Variants in AKT3 observed in about 807,000 individuals in gnomAD.
AKT3 encodes RAC-gamma serine/threonine-protein kinase.
A neutral mutation model predicts 65.3 loss-of-function variants in AKT3; 15 were observed. The observed-to-expected ratio is 0.23, with a 90% CI of 0.15 to 0.35. The LOEUF (loss-of-function observed/expected upper bound fraction) is 0.35, where lower values mean the gene tolerates loss of function less well. AKT3 is among the 10% of genes least tolerant of loss of function. The probability of loss-of-function intolerance (pLI) is 1.00; values close to 1 mark genes in which losing one functional copy is unlikely to be tolerated. For missense variants in AKT3, 243 were observed against 576.5 expected, an observed-to-expected ratio of 0.42 and a Z score of 5.92; for synonymous variants, 206 against 183.8, an observed-to-expected ratio of 1.12 and a Z score of -0.98.
At chr1:243,595,071 T>G (rs1443782568) in intron 8 of AKT3, among the ~76,000 whole-genome samples, 2 of 152,202 alleles carry the variant, frequency 1.3e-5, no homozygotes, top group African/African-American at 4.8e-5. Flanking sequence ...TGGGGATACA[T>G]TCTGAGAAAT....
At chr1:243,609,907 G>T (rs1677743126) in intron 8 of AKT3, among the ~76,000 whole-genome samples, 1 of 151,986 alleles carries the variant, frequency 6.6e-6, no homozygotes, top group Non-Finnish European at 1.5e-5. Context: ...GCGCCCTCTA[G>T]GAAGCTTTCC....
At chr1:243,491,857 T>C in intron 13 of AKT3, among the ~76,000 whole-genome samples, 1 of 152,288 alleles carries the variant, frequency 6.6e-6, no homozygotes. Flanking sequence ...TTAGAGATGG[T>C]TTAACTAAAG....
chr1:243,692,116 CT>C (rs1010800170), intron 3 of AKT3, among the ~76,000 whole-genome samples: 3 of 152,146 alleles, frequency 2.0e-5, no homozygotes, highest in Admixed American at 1.3e-4. Context: ...ATGACATGAT[CT>C]CCCAAAAGAT....
rs371692419 is a variant in AKT3 at position 243,798,118 on chromosome 1, G to A, written c.46+45007C>T. Among the ~76,000 whole-genome samples the A allele has an allele frequency of 4.0e-5, 6 of 150,324 alleles. 1 individual carries two copies. The highest frequency in any genetic ancestry group is 9.9e-5 in the African/African-American group (4 of 40,486). On this transcript the variant is annotated intron_variant, in intron 2 of 13. Transcript: ENST00000673466. ...AGGATGGTCTCGATCTCCTGACCTC[G>A]TGATCCGCCTGCCTCGGCCTCCCAA...
In AKT3 at chr1:243,648,871, G is replaced by A. The variant is rs887306568; in HGVS notation, c.285-2834C>T. Among the ~76,000 whole-genome samples the A allele has an allele frequency of 9.9e-5, 15 of 151,356 alleles. 1 individual carries two copies. Among genetic ancestry groups the A allele is most frequent in the African/African-American group, 3.6e-4 (15 of 41,216 alleles). ...TTAATTTTTTTCAAAGAGTACTTTT[G>A]GTTTTATTAATTATTCTCTACTATT... On this transcript the variant is annotated intron_variant, in intron 4 of 13. Transcript: ENST00000673466.
intron 12 of AKT3, among the ~76,000 whole-genome samples, chr1:243,533,855 TGGTG>T (rs1191452633): frequency 1.2e-4 from 19 of 152,056 alleles, no homozygotes; most frequent in Admixed American, 1.1e-3. Flanking sequence ...CCGGGCGTGG[TGGTG>T]GGCGCCTGTA....
chr1:243,530,164 TTA>T (rs1270745542), intron 12 of AKT3, among the ~76,000 whole-genome samples: 12 of 152,224 alleles, frequency 7.9e-5, no homozygotes, highest in Non-Finnish European at 1.6e-4. Context: ...GAGATATTGC[TTA>T]TGTTAATTTG....
chr1:243,818,818 T>C (rs1375160630), intron 2 of AKT3, among the ~76,000 whole-genome samples: 1 of 150,450 alleles, frequency 6.6e-6, no homozygotes, highest in Non-Finnish European at 1.5e-5. Flanking sequence ...AACTTTGAGA[T>C]ATCCAGGTTC....
intron 8 of AKT3, among the ~76,000 whole-genome samples, chr1:243,581,244 C>T (rs1193711433): frequency 6.6e-6 from 1 of 152,208 alleles, no homozygotes; most frequent in Non-Finnish European, 1.5e-5. Flanking sequence ...CTGCCCTCTG[C>T]CAACCCCCTG....
intron 3 of AKT3, among the ~76,000 whole-genome samples, chr1:243,692,404 G>A (rs1254805427): frequency 6.6e-6 from 1 of 152,064 alleles, no homozygotes. Context: ...TAGTCCTTAT[G>A]ACTATCCACC....
chr1:243,661,421 C>A (rs1301615779), intron 4 of AKT3, among the ~76,000 whole-genome samples: 3 of 151,964 alleles, frequency 2.0e-5, no homozygotes, highest in South Asian at 4.2e-4. Context: ...ACTATCTGAT[C>A]TTTGACAAAC....
Position 243,699,465 on chromosome 1 carries a change from CTA to C in AKT3, c.47-3751_47-3750del, listed in dbSNP as rs58911364. 9.0e-3 allele frequency among the ~76,000 whole-genome samples: 929 copies of C among 102,672 alleles called. 5 individuals are homozygous for C. The highest frequency in any genetic ancestry group is 0.012 in the South Asian group (34 of 2,744). 67.4% of individuals were successfully genotyped at this position (102,672 alleles called of 152,430 possible). A position where few individuals can be genotyped will look rare whatever the true frequency, so the allele number is the denominator to read the frequency against. On this transcript the variant is annotated intron_variant, in intron 2 of 13. Transcript: ENST00000673466. ...AAGACTTCCAACCCAACCTCTTCCA[CTA>C]TATATATATATATATATATATATAT...
chr1:243,616,471 A>G (rs1005495725), intron 6 of AKT3, among the ~76,000 whole-genome samples: 2 of 152,166 alleles, frequency 1.3e-5, no homozygotes, highest in African/African-American at 4.8e-5. Context: ...TTTCTTCAAC[A>G]TATGGAGAAC....
chr1:243,585,532 A>C (rs1025564783), intron 8 of AKT3, among the ~76,000 whole-genome samples: 4 of 152,108 alleles, frequency 2.6e-5, no homozygotes, highest in Non-Finnish European at 4.4e-5. Flanking sequence ...GGTACTGTAA[A>C]AAAACAGACA....
intron 2 of AKT3, among the ~76,000 whole-genome samples, chr1:243,834,081 C>T (rs1199972258): frequency 2.0e-5 from 3 of 151,904 alleles, no homozygotes; most frequent in Non-Finnish European, 2.9e-5. Flanking sequence ...TTAGTTCAGC[C>T]GCTGTGGAAA....
intron 11 of AKT3, 154 bp from the exon 12 acceptor site, chr1:243,545,751 A>T: frequency 1.7e-6 from 1 of 579,284 alleles, no homozygotes; most frequent in Admixed American, 3.0e-5. Context: ...TATAAGATCT[A>T]TTTTTCCTAA....
intron 8 of AKT3, among the ~76,000 whole-genome samples, chr1:243,574,476 C>T (rs1336206799): frequency 2.6e-5 from 4 of 152,044 alleles, no homozygotes; most frequent in African/African-American, 4.8e-5. Context: ...GGGACTGCAT[C>T]ATCATTTTAT....
chr1:243,597,690 C>T (rs1676722920), intron 8 of AKT3, among the ~76,000 whole-genome samples: 1 of 152,106 alleles, frequency 6.6e-6, no homozygotes, highest in Non-Finnish European at 1.5e-5. Flanking sequence ...TTGGTAGATA[C>T]AGGGTCTCCC....
chr1:243,674,937 A>G (rs1353891987), intron 3 of AKT3, among the ~76,000 whole-genome samples: 1 of 152,224 alleles, frequency 6.6e-6, no homozygotes, highest in Admixed American at 6.5e-5. Context: ...AATAATGAAC[A>G]TAGTACTCAA....
Sources: gnomAD v4.1 joint callset for allele counts (sites outside exome capture counted in the v4.1 genomes callset) on GRCh38, gnomAD v4.1.1 for gene constraint, MANE v1.5 for transcripts, NCBI Gene and HGNC (gene_info 2026-07-23, HGNC 2026-07-21) for gene names.